The following NOX4 variants were observed in gnomAD, a reference collection of about 807,000 sequenced individuals.
The protein encoded by NOX4 is NADPH oxidase 4, also known as kidney oxidase-1.
A neutral mutation model predicts 87.6 loss-of-function variants in NOX4; 69 were observed. The observed-to-expected ratio is 0.79, with a 90% CI of 0.65 to 0.96. The LOEUF is 0.96. Among genes scored for constraint, NOX4 ranks in the 40% least tolerant of loss-of-function variants. NOX4 has a pLI of 0.00. For synonymous variants in NOX4, 275 were observed against 238.2 expected (o/e 1.15, Z -1.42); for missense variants, 680 against 681.5 (o/e 1.00, Z 0.02).
chr11:89,432,903 A>C, intron 6 of NOX4, 47 bp from the exon 7 acceptor site: 1 of 1,211,318 alleles, frequency 8.3e-7, no homozygotes, highest in East Asian at 2.5e-5. Flanking sequence ...CATAGTGAGA[A>C]AAAAATACAA....
chr11:89,523,352 A>C, the NOX4 span, among the ~76,000 whole-genome samples: 4 of 152,146 alleles, frequency 2.6e-5, no homozygotes, highest in Non-Finnish European at 5.9e-5. Context: ...TAGCAGGTAT[A>C]CTGATAACTT....
At chr11:89,460,944 G>T (rs1945432419) in intron 2 of NOX4, among the ~76,000 whole-genome samples, 1 of 152,290 alleles carries the variant, frequency 6.6e-6, no homozygotes, top group African/African-American at 2.4e-5. Flanking sequence ...TTAAGAAAAT[G>T]TGGCACATAT....
intron 2 of NOX4, among the ~76,000 whole-genome samples, chr11:89,476,743 A>G (rs1390746350): frequency 6.6e-6 from 1 of 152,156 alleles, no homozygotes. Flanking sequence ...GGAAGAATGG[A>G]TATATAAAAA....
intron 13 of NOX4, among the ~76,000 whole-genome samples, chr11:89,348,004 A>C (rs573186279): frequency 2.0e-5 from 3 of 152,192 alleles, no homozygotes; most frequent in African/African-American, 4.8e-5. Context: ...GGCCAGATGC[A>C]GTGGCTCATA....
intron 7 of NOX4, among the ~76,000 whole-genome samples, chr11:89,430,670 G>A (rs929636078): frequency 4.6e-5 from 7 of 152,086 alleles, no homozygotes; most frequent in South Asian, 2.1e-4. Context: ...CTTCTTCAAG[G>A]AGAACTACAT....
intron 2 of NOX4, among the ~76,000 whole-genome samples, chr11:89,477,068 G>T (rs1946195813): frequency 6.6e-6 from 1 of 152,044 alleles, no homozygotes; most frequent in East Asian, 1.9e-4. Context: ...AGGGGGCAGT[G>T]GTGGTTTTGG....
chr11:89,559,947 C>T, the NOX4 span, among the ~76,000 whole-genome samples: 2 of 152,212 alleles, frequency 1.3e-5, no homozygotes, highest in East Asian at 3.9e-4. Context: ...CTATGGGTTG[C>T]ATTGTGTCCT....
rs1942962430 is a variant in NOX4, at chr11:89,419,341, T to A, written c.629+2561A>T. Among the ~76,000 whole-genome samples the A allele has an allele frequency of 2.0e-5, 3 of 152,204 alleles. No individual in the cohort carries two copies. In the South Asian group the frequency reaches 6.2e-4, roughly 32 times the overall value. On this transcript the variant is annotated intron_variant, in intron 8 of 17. Coordinates refer to ENST00000263317, the MANE Select transcript of NOX4 (RefSeq NM_016931.5). ...GTTGAAGAACAAAGTTATCTAGGTA[T>A]TTCAGAAGTTAAAATATGTCTGTTT...
chr11:89,455,990 A>G (rs1945181773), intron 2 of NOX4, among the ~76,000 whole-genome samples: 2 of 152,168 alleles, frequency 1.3e-5, no homozygotes, highest in South Asian at 4.1e-4. Context: ...TAAAAGGAAT[A>G]ATATCTATTG....
At chr11:89,377,658 C>T (rs1939954715) in intron 11 of NOX4, among the ~76,000 whole-genome samples, 2 of 151,820 alleles carry the variant, frequency 1.3e-5, no homozygotes, top group Admixed American at 1.3e-4. Flanking sequence ...TGAATTTATT[C>T]AATATAAAAA....
At chr11:89,515,449 A>G in the NOX4 span, among the ~76,000 whole-genome samples, 1 of 151,428 alleles carries the variant, frequency 6.6e-6, no homozygotes, top group South Asian at 2.1e-4. Context: ...TCTGTTTTAC[A>G]TTTATATATT....
At position 89,340,043 on chromosome 11, in the gene NOX4, A is replaced by C. The variant is rs1396070909; in HGVS notation, c.1446+20T>G. 2 of 1,377,094 alleles carry C rather than the reference A, an allele frequency of 1.5e-6. No individual in the cohort carries two copies. The highest frequency in any genetic ancestry group is 2.0e-6 in the Non-Finnish European group (2 of 1,023,648). The allele number at this position is 1,377,094 out of a possible 1,614,324, so 85.3% of individuals were successfully genotyped here. A position where few individuals can be genotyped will look rare whatever the true frequency, so the allele number is the denominator to read the frequency against. On this transcript the variant is annotated intron_variant, in intron 15 of 17. Coordinates refer to ENST00000263317, the MANE Select transcript of NOX4 (RefSeq NM_016931.5). ...TTTTAATTTGAAAAATTGCAAAACT[A>C]GAACCAACCCTAATGTTACCTTGTT... is the stretch of plus-strand genomic sequence containing the variant.
At chr11:89,444,312 A>G in intron 4 of NOX4, 80 bp from the exon 5 acceptor site, 1 of 1,160,858 alleles carries the variant, frequency 8.6e-7, no homozygotes, top group Non-Finnish European at 1.3e-6. Context: ...CCTCTCCCTA[A>G]GTAAATACAG....
intron 8 of NOX4, among the ~76,000 whole-genome samples, chr11:89,419,431 TA>T (rs1043542211): frequency 1.4e-4 from 22 of 152,124 alleles, no homozygotes; most frequent in African/African-American, 5.3e-4. Context: ...AGTTTTTTTT[TA>T]ATTTTGAGAA....
chr11:89,449,685 C>A (rs531885021), intron 3 of NOX4, among the ~76,000 whole-genome samples, 161 bp from the exon 4 acceptor site: 2 of 151,770 alleles, frequency 1.3e-5, no homozygotes, highest in African/African-American at 2.4e-5. Flanking sequence ...TAATGGGACA[C>A]CTAAACCATT....
At chr11:89,493,721 T>TTTTTTATTATTATTA (rs372046431), upstream of NOX4, among the ~76,000 whole-genome samples, 2 of 142,302 alleles carry the variant, frequency 1.4e-5, no homozygotes, top group African/African-American at 2.6e-5. Flanking sequence ...GCCAGATTGT[T>TTTTTTATTATTATTA]TTATTATTAT....
chr11:89,455,993 A>G (rs1945181875), intron 2 of NOX4, among the ~76,000 whole-genome samples: 1 of 152,030 alleles, frequency 6.6e-6, no homozygotes, highest in South Asian at 2.1e-4. Flanking sequence ...AAGGAATAAT[A>G]TCTATTGTTT....
chr11:89,432,648 C>A, intron 7 of NOX4, 136 bp downstream of exon 7: 1 of 582,616 alleles, frequency 1.7e-6, no homozygotes, highest in South Asian at 2.5e-5. Context: ...TGTATAGAAA[C>A]AGCTATACTT....
At chr11:89,433,008 C>T (rs1163994297) in intron 6 of NOX4, 152 bp from the exon 7 acceptor site, 1 of 587,928 alleles carries the variant, frequency 1.7e-6, no homozygotes, top group African/African-American at 1.9e-5. Flanking sequence ...TCAAACAAGC[C>T]CTTTACTTTT....
Sources: gnomAD v4.1 joint callset for allele counts (sites outside exome capture counted in the v4.1 genomes callset) on GRCh38, gnomAD v4.1.1 for gene constraint, MANE v1.5 for transcripts, NCBI Gene and HGNC (gene_info 2026-07-23, HGNC 2026-07-21) for gene names.